SIPA1L1: variants seen among roughly 807,000 people sequenced by gnomAD.
SIPA1L1 encodes the protein signal-induced proliferation-associated 1-like protein 1.
A neutral mutation model predicts 162.7 loss-of-function variants in SIPA1L1; 26 were observed. The observed-to-expected ratio is 0.16, with a 90% CI of 0.12 to 0.22. The LOEUF (loss-of-function observed/expected upper bound fraction) is 0.22, where lower values mean the gene tolerates loss of function less well. SIPA1L1 is among the 10% of genes least tolerant of loss of function. The pLI, the probability that SIPA1L1 is intolerant of heterozygous loss-of-function variation, is 1.00. For missense variants in SIPA1L1, 1,874 were observed against 2,241.0 expected, an observed-to-expected ratio of 0.84 and a Z score of 3.31; for synonymous variants, 829 against 837.4, an observed-to-expected ratio of 0.99 and a Z score of 0.17.
At chr14:71,328,376 A>G (rs1179620646) in intron 2 of SIPA1L1, among the ~76,000 whole-genome samples, 4 of 152,212 alleles carry the variant, frequency 2.6e-5, no homozygotes. Flanking sequence ...AGAGAATCAC[A>G]TGAACCTTGA....
At chr14:71,539,885 G>C (rs565527411) in intron 4 of SIPA1L1, among the ~76,000 whole-genome samples, 1 of 152,284 alleles carries the variant, frequency 6.6e-6, no homozygotes, top group South Asian at 2.1e-4. Flanking sequence ...CTAGAAAGCA[G>C]AACTATTGTC....
intron 7 of SIPA1L1, among the ~76,000 whole-genome samples, chr14:71,627,752 G>A (rs1297504854): frequency 6.6e-6 from 1 of 152,078 alleles, no homozygotes; most frequent in Non-Finnish European, 1.5e-5. Context: ...TACAGTCAAG[G>A]GGATTAAGGC....
chr14:71,686,950 C>T (rs1596982038), intron 13 of SIPA1L1, among the ~76,000 whole-genome samples: 1 of 152,156 alleles, frequency 6.6e-6, no homozygotes, highest in African/African-American at 2.4e-5. Flanking sequence ...CCCAGATACA[C>T]GTAAATCATC....
chr14:71,536,539 A>G (rs113185467), intron 4 of SIPA1L1, among the ~76,000 whole-genome samples: 1 of 152,178 alleles, frequency 6.6e-6, no homozygotes, highest in Non-Finnish European at 1.5e-5. Context: ...CAGTTTTGGA[A>G]CAGTGTCTAT....
At chr14:71,396,230 A>G (rs1194818190) in intron 2 of SIPA1L1, among the ~76,000 whole-genome samples, 1 of 152,170 alleles carries the variant, frequency 6.6e-6, no homozygotes, top group Non-Finnish European at 1.5e-5. Flanking sequence ...AGATCCCATC[A>G]ATATGCTGGT....
intron 2 of SIPA1L1, among the ~76,000 whole-genome samples, chr14:71,417,654 G>A (rs1305313264): frequency 6.6e-6 from 1 of 151,870 alleles, no homozygotes; most frequent in African/African-American, 2.4e-5. Flanking sequence ...CAGAGGTGGA[G>A]GAGGAGGAAG....
Position 71,375,261 on chromosome 14 carries a change from A to G in SIPA1L1, c.-465+54080A>G, listed in dbSNP as rs1465436287. Among the ~76,000 whole-genome samples the G allele has an allele frequency of 5.3e-5, 8 of 151,852 alleles. No homozygotes were observed. In the East Asian group the frequency reaches 1.2e-3, roughly 22 times the overall value. The stretch of plus-strand genomic sequence containing the variant: ...GGCTTTTTCCTTTGGTGGACTTTCT[A>G]TTTCCTAGATTCTGTGTGGTCATCT... On this transcript the variant is annotated intron_variant, in intron 2 of 23. Transcript: ENST00000381232.
chr14:71,460,732 ACCACTT>A (rs2046540679), intron 2 of SIPA1L1, among the ~76,000 whole-genome samples: 2 of 152,158 alleles, frequency 1.3e-5, no homozygotes, highest in African/African-American at 4.8e-5. Flanking sequence ...GGTGAGTGGT[ACCACTT>A]CCACTTCCAC....
At chr14:71,444,085 G>A (rs933214206) in intron 2 of SIPA1L1, among the ~76,000 whole-genome samples, 4 of 152,204 alleles carry the variant, frequency 2.6e-5, no homozygotes, top group Non-Finnish European at 4.4e-5. Context: ...CTAAAGCAAA[G>A]CAGAACAAAA....
chr14:71,735,719 A>G (rs1374454331), intron 22 of SIPA1L1: 2 of 186,558 alleles, frequency 1.1e-5, no homozygotes, highest in African/African-American at 2.3e-5. Context: ...GTAGTCCTGC[A>G]GTCTGGGTTT....
chr14:71,401,832 TTTTA>T (rs1335589326), intron 2 of SIPA1L1, among the ~76,000 whole-genome samples: 1 of 152,104 alleles, frequency 6.6e-6, no homozygotes, highest in Non-Finnish European at 1.5e-5. Flanking sequence ...ATATAAGATT[TTTTA>T]TTTGTGTGTT....
At chr14:71,349,785 T>C (rs2036515127) in intron 2 of SIPA1L1, among the ~76,000 whole-genome samples, 1 of 152,226 alleles carries the variant, frequency 6.6e-6, no homozygotes, top group African/African-American at 2.4e-5. Context: ...GGAGGTCAGC[T>C]TGTAGCTAGT....
At chr14:71,560,075 C>T (rs1439853052) in intron 4 of SIPA1L1, among the ~76,000 whole-genome samples, 1 of 152,126 alleles carries the variant, frequency 6.6e-6, no homozygotes, top group African/African-American at 2.4e-5. Context: ...TGTGTTCATT[C>T]GTTTCTTCAT....
At chr14:71,337,288 T>C (rs2035195896) in intron 2 of SIPA1L1, among the ~76,000 whole-genome samples, 1 of 152,196 alleles carries the variant, frequency 6.6e-6, no homozygotes, top group East Asian at 1.9e-4. Flanking sequence ...TTATATTTAA[T>C]TCAAAAAGTA....
intron 2 of SIPA1L1, among the ~76,000 whole-genome samples, chr14:71,456,259 A>G (rs1359694191): frequency 2.0e-5 from 3 of 152,264 alleles, no homozygotes; most frequent in African/African-American, 7.2e-5. Context: ...CGAGCAAATC[A>G]GATGAGAGAG....
At chr14:71,335,686 T>A (rs1018495120) in intron 2 of SIPA1L1, among the ~76,000 whole-genome samples, 1 of 152,224 alleles carries the variant, frequency 6.6e-6, no homozygotes, top group Non-Finnish European at 1.5e-5. Context: ...AGTTTTCTTA[T>A]ATGTTTTGAG....
chr14:71,350,793 G>C (rs559704429), intron 2 of SIPA1L1, among the ~76,000 whole-genome samples: 2 of 152,260 alleles, frequency 1.3e-5, no homozygotes, highest in African/African-American at 4.8e-5. Flanking sequence ...TAGGTTATTA[G>C]TTAGGGGAAT....
chr14:71,342,249 C>T (rs1235342149), intron 2 of SIPA1L1, among the ~76,000 whole-genome samples: 1 of 152,082 alleles, frequency 6.6e-6, no homozygotes, highest in African/African-American at 2.4e-5. Context: ...AATGATCCAC[C>T]TGCATTTTTG....
At chr14:71,629,207 G>C (rs1039015947) in intron 7 of SIPA1L1, among the ~76,000 whole-genome samples, 5 of 152,332 alleles carry the variant, frequency 3.3e-5, no homozygotes, top group Admixed American at 6.5e-5. Context: ...AAAGTGCTGG[G>C]ATTACAGGCA....
Sources: allele counts gnomAD v4.1 joint callset (sites outside exome capture counted in the v4.1 genomes callset), GRCh38; gene constraint gnomAD v4.1.1; transcripts MANE v1.5; gene names NCBI Gene and HGNC (gene_info 2026-07-23, HGNC 2026-07-21).